The following KALRN variants were observed in gnomAD, a reference collection of about 807,000 sequenced individuals.
The protein encoded by KALRN is kalirin RhoGEF kinase, also known as kalirin.
Under a neutral mutation model 353.7 loss-of-function variants are expected in KALRN, and 70 were observed. The ratio of observed to expected loss-of-function variants is 0.20; its 90% CI spans 0.16 to 0.24. The LOEUF is 0.24. Ranked by LOEUF, KALRN falls within the 10% of genes least tolerant of loss-of-function variation. KALRN has a pLI of 1.00. For missense variants in KALRN, 2,791 were observed against 3,756.7 expected (o/e 0.74, Z 6.72); for synonymous variants, 1,391 against 1,434.8 (o/e 0.97, Z 0.69).
intron 5 of KALRN, among the ~76,000 whole-genome samples, chr3:124,281,737 A>G (rs1005218929): frequency 6.6e-6 from 1 of 152,172 alleles, no homozygotes; most frequent in African/African-American, 2.4e-5. Context: ...TAGGTGCTCA[A>G]AGATCTCATT....
At chr3:124,447,743 T>G (rs2093887712) in intron 21 of KALRN, among the ~76,000 whole-genome samples, 1 of 152,214 alleles carries the variant, frequency 6.6e-6, no homozygotes, top group Admixed American at 6.5e-5. Context: ...TGTGACAAAT[T>G]AGGCCCTTAG....
At chr3:124,614,909 T>C (rs892271238) in intron 34 of KALRN, among the ~76,000 whole-genome samples, 1 of 152,226 alleles carries the variant, frequency 6.6e-6, no homozygotes, top group African/African-American at 2.4e-5. Flanking sequence ...CTGTCTTCAA[T>C]GGAGTAGAAA....
Position 124,650,927 on chromosome 3 carries a change from G to T in KALRN, c.5784G>T (p.Leu1928=). ...AAGAAGAACAGAAAGCCAAGGCCCT[G>T]AGAGGCAGGATGTAAGTGGCTTCCC... The part of the protein sequence containing the change: ...NPEEEQKAKA[L]RGRMFVLNEL... Residue 1928 remains leucine (L), a synonymous_variant, in exon 38 of 60, where the codon CTG becomes CTT. Coordinates refer to ENST00000682506, the MANE Select transcript of KALRN (RefSeq NM_001388419.1). 6.2e-7 allele frequency: 1 copy of T among 1,614,180 alleles called. No homozygotes were observed. Among genetic ancestry groups the T allele is most frequent in the Non-Finnish European group, 8.5e-7 (1 of 1,180,034 alleles).
chr3:124,179,993 A>T (rs758000708), intron 1 of KALRN, among the ~76,000 whole-genome samples: 5 of 152,222 alleles, frequency 3.3e-5, no homozygotes, highest in Non-Finnish European at 5.9e-5. Flanking sequence ...AATGCCCGAG[A>T]TACATAGTTG....
At chr3:124,614,427 C>A (rs2078337586) in intron 34 of KALRN, among the ~76,000 whole-genome samples, 1 of 151,798 alleles carries the variant, frequency 6.6e-6, no homozygotes, top group South Asian at 2.1e-4. Context: ...TACCACTATG[C>A]CTGACTAATT....
chr3:124,673,319 G>A (rs1401101494), intron 48 of KALRN, among the ~76,000 whole-genome samples: 2 of 151,978 alleles, frequency 1.3e-5, no homozygotes, highest in East Asian at 1.9e-4. Flanking sequence ...CTGGGAAGTC[G>A]AGGCTACAGT....
At chr3:124,585,779 T>C (rs1029077266) in intron 34 of KALRN, among the ~76,000 whole-genome samples, 1 of 152,238 alleles carries the variant, frequency 6.6e-6, no homozygotes, top group African/African-American at 2.4e-5. Flanking sequence ...AGCCCCCTAC[T>C]TGACATTTGC....
chr3:124,140,561 G>A (rs1378128187), intron 1 of KALRN, among the ~76,000 whole-genome samples: 1 of 152,214 alleles, frequency 6.6e-6, no homozygotes, highest in Non-Finnish European at 1.5e-5. Context: ...AAGATGCTGG[G>A]TGAGGTCTCC....
chr3:124,168,220 G>C (rs115259388), intron 1 of KALRN, among the ~76,000 whole-genome samples: 1 of 152,162 alleles, frequency 6.6e-6, no homozygotes, highest in Non-Finnish European at 1.5e-5. Flanking sequence ...CTGAAAAGCC[G>C]TTTAAAAAGT....
intron 17 of KALRN, among the ~76,000 whole-genome samples, chr3:124,437,719 G>A (rs1334608231): frequency 4.0e-5 from 5 of 123,948 alleles, no homozygotes; most frequent in South Asian, 2.7e-4. Flanking sequence ...AAAAAAAGAC[G>A]TTTTTCATCA....
At chr3:124,445,792 C>T (rs1035705965) in intron 19 of KALRN, among the ~76,000 whole-genome samples, 6 of 152,190 alleles carry the variant, frequency 3.9e-5, no homozygotes, top group African/African-American at 1.4e-4. Flanking sequence ...TGTCAAGGTC[C>T]ACCCATGCTC....
In KALRN at chr3:124,264,074, C is replaced by T. The variant is rs758526670; in HGVS notation, c.264-424C>T. Among the ~76,000 whole-genome samples, 411 of 135,160 alleles carry T rather than the reference C, an allele frequency of 3.0e-3. 5 individuals carry two copies. Among genetic ancestry groups the T allele is most frequent in the Middle Eastern group, 8.1e-3 (2 of 246 alleles). The allele number at this position is 135,160 out of a possible 152,430, so 88.7% of individuals were successfully genotyped here. On this transcript the variant is annotated intron_variant, in intron 3 of 59. Coordinates refer to ENST00000682506, the MANE Select transcript of KALRN (RefSeq NM_001388419.1). ...ACTTTGGATTTTTTTTTTTTTTTTG[C>T]GGTGGAGGGGAATGTTTGCATTCTA...
chr3:124,235,535 A>G (rs1188021701), intron 3 of KALRN, among the ~76,000 whole-genome samples: 1 of 152,116 alleles, frequency 6.6e-6, no homozygotes, highest in Non-Finnish European at 1.5e-5. Context: ...TCACTTGATC[A>G]GAGAACCACA....
intron 10 of KALRN, among the ~76,000 whole-genome samples, chr3:124,356,000 C>G (rs1576237753): frequency 1.3e-5 from 2 of 152,116 alleles, no homozygotes; most frequent in South Asian, 4.2e-4. Flanking sequence ...CAGGCGTGAG[C>G]CACCGCGCCC....
At chr3:124,566,767 T>A (rs1483256198) in intron 34 of KALRN, among the ~76,000 whole-genome samples, 1 of 152,214 alleles carries the variant, frequency 6.6e-6, no homozygotes, top group Non-Finnish European at 1.5e-5. Context: ...GTGCTTTACC[T>A]TATAAGTTAT....
chr3:124,297,117 A>AT (rs780851171), intron 5 of KALRN, among the ~76,000 whole-genome samples: 9 of 152,198 alleles, frequency 5.9e-5, no homozygotes, highest in Non-Finnish European at 1.0e-4. Context: ...TTTTTGCCTC[A>AT]TGCCACCTCC....
chr3:124,034,079 C>A (rs1244702492), intron 1 of KALRN, among the ~76,000 whole-genome samples: 2 of 151,924 alleles, frequency 1.3e-5, no homozygotes, highest in African/African-American at 2.4e-5. Flanking sequence ...GGGAGGCGGT[C>A]CCCTCGGACC....
intron 58 of KALRN, among the ~76,000 whole-genome samples, chr3:124,714,808 G>A (rs1385776750): frequency 6.6e-6 from 1 of 152,154 alleles, no homozygotes; most frequent in African/African-American, 2.4e-5. Context: ...TTGAGGTCAG[G>A]AGTTCGAGGC....
chr3:124,243,602 TTGG>T (rs1241237085), intron 3 of KALRN, among the ~76,000 whole-genome samples: 1 of 152,046 alleles, frequency 6.6e-6, no homozygotes, highest in Non-Finnish European at 1.5e-5. Flanking sequence ...CAGCATTGAC[TTGG>T]TGGGAGTGGA....
Sources: allele counts gnomAD v4.1 joint callset (sites outside exome capture counted in the v4.1 genomes callset), GRCh38; gene constraint gnomAD v4.1.1; transcripts MANE v1.5; gene names NCBI Gene and HGNC (gene_info 2026-07-23, HGNC 2026-07-21).